The following PUDP variants were observed in gnomAD, a reference collection of about 807,000 sequenced individuals.
PUDP encodes the protein pseudouridine 5'-phosphatase, also known as pseudouridine-5'-phosphatase.
PUDP carries 8 observed loss-of-function variants against 9.4 expected under a neutral mutation model. That is an observed-to-expected ratio of 0.85 (90% confidence interval 0.50 to 1.53). PUDP has a LOEUF of 1.53. PUDP is among the 40% of genes most tolerant of loss of function. The probability of loss-of-function intolerance (pLI) is 0.00; values close to 1 mark genes in which losing one functional copy is unlikely to be tolerated. For missense variants in PUDP, 188 were observed against 189.7 expected, an observed-to-expected ratio of 0.99 and a Z score of 0.05; for synonymous variants, 99 against 80.7, an observed-to-expected ratio of 1.23 and a Z score of -1.22.
chrX:6,750,131 A>C (rs1352579484), intron 3 of PUDP, among the ~76,000 whole-genome samples: 5 of 112,148 alleles, frequency 4.5e-5, no homozygotes, highest in Non-Finnish European at 9.4e-5. Flanking sequence ...GGCTACACCC[A>C]GGGAACTATT....
chrX:6,772,630 GA>G lies in PUDP; in HGVS notation c.*248-66165del, dbSNP rs386416546. Among the ~76,000 whole-genome samples the G allele has an allele frequency of 1.8e-3, 171 of 96,827 alleles. 1 individual carries two copies. The highest frequency in any genetic ancestry group is 5.3e-3 in the Middle Eastern group (1 of 190). 84.1% of individuals were successfully genotyped at this position (96,827 alleles called of 115,157 possible). A position where few individuals can be genotyped will look rare whatever the true frequency, so the allele number is the denominator to read the frequency against. ...TGACTTTCAGAGAAATACAGACAAG[GA>G]AAAAAAAAAAAAAAGAAGGTCAGGC... On this transcript the variant is annotated intron_variant and NMD_transcript_variant, in intron 3 of 3. Coordinates refer to the PUDP transcript ENST00000655425.
intron 3 of PUDP, among the ~76,000 whole-genome samples, chrX:6,780,397 G>A (rs897543869): frequency 4.5e-5 from 5 of 110,869 alleles, no homozygotes; most frequent in African/African-American, 1.6e-4. Context: ...ACTACAGAGT[G>A]TTTAAGTGTA....
At chrX:6,880,419 G>A (rs1022309570) in intron 3 of PUDP, among the ~76,000 whole-genome samples, 45 of 111,826 alleles carry the variant, frequency 4.0e-4, no homozygotes, top group Admixed American at 3.5e-3. Context: ...AGGTTGCTGT[G>A]AATGCCATTG....
intron 3 of PUDP, among the ~76,000 whole-genome samples, chrX:6,772,700 G>A (rs1925385997): frequency 9.1e-6 from 1 of 109,473 alleles, no homozygotes; most frequent in Non-Finnish European, 1.9e-5. Context: ...GGAGGCCGAG[G>A]TGGGTAGATC....
intron 3 of PUDP, among the ~76,000 whole-genome samples, chrX:6,934,218 AG>A (rs1367718849): frequency 9.4e-6 from 1 of 106,794 alleles, no homozygotes; most frequent in Non-Finnish European, 1.9e-5. Context: ...AAAAATGTTA[AG>A]GGCAGCCAGA....
intron 1 of PUDP, among the ~76,000 whole-genome samples, chrX:7,114,181 TCTC>T (rs1320683703): frequency 9.0e-6 from 1 of 111,601 alleles, no homozygotes; most frequent in East Asian, 2.8e-4. Flanking sequence ...TTCATGCAAT[TCTC>T]CTGCCTCAGC....
intron 3 of PUDP, among the ~76,000 whole-genome samples, chrX:6,914,161 C>A (rs1927891374): frequency 3.2e-5 from 2 of 62,435 alleles, no homozygotes; most frequent in East Asian, 4.8e-4. Flanking sequence ...AGAGAGACCC[C>A]GTCTCAAAAA....
intron 1 of PUDP, among the ~76,000 whole-genome samples, chrX:6,996,861 G>T (rs1270975805): frequency 1.9e-5 from 2 of 107,868 alleles, no homozygotes; most frequent in Non-Finnish European, 3.8e-5. Flanking sequence ...TAGAGACAGG[G>T]TTTCACCTTG....
chrX:6,986,073 C>G (rs1345997451), intron 1 of PUDP, among the ~76,000 whole-genome samples: 2 of 111,400 alleles, frequency 1.8e-5, no homozygotes, highest in Non-Finnish European at 3.8e-5. Context: ...AATGCCATGG[C>G]AACGTTAGGA....
At chrX:7,056,638 G>A (rs918730235) in intron 3 of PUDP, among the ~76,000 whole-genome samples, 3 of 111,401 alleles carry the variant, frequency 2.7e-5, no homozygotes, top group Non-Finnish European at 5.6e-5. Context: ...GCAGGGCCCA[G>A]TTTTCACGCA....
chrX:7,082,799 C>T (rs1346993161), intron 2 of PUDP, among the ~76,000 whole-genome samples: 1 of 112,772 alleles, frequency 8.9e-6, no homozygotes, highest in Non-Finnish European at 1.9e-5. Flanking sequence ...TGCTGTCTTT[C>T]TTAGGGGCTA....
chrX:7,135,419 T>C (rs777464294), intron 1 of PUDP, among the ~76,000 whole-genome samples: 1 of 112,140 alleles, frequency 8.9e-6, no homozygotes, highest in South Asian at 3.7e-4. Flanking sequence ...TTTCCTGACA[T>C]CTGTCTAAAT....
At chrX:6,954,041 T>A (rs1259700461) in intron 3 of PUDP, among the ~76,000 whole-genome samples, 1 of 110,488 alleles carries the variant, frequency 9.1e-6, no homozygotes, top group East Asian at 2.9e-4. Context: ...GCGCTTCTCC[T>A]TGCTGCTGCC....
chrX:7,102,873 G>C (rs1569160369), intron 2 of PUDP, among the ~76,000 whole-genome samples: 1 of 111,194 alleles, frequency 9.0e-6, no homozygotes, highest in Non-Finnish European at 1.9e-5. Flanking sequence ...AGAAATAAGA[G>C]AAGTGAAGGA....
chrX:6,933,154 C>G (rs6639716), intron 3 of PUDP, among the ~76,000 whole-genome samples: 19,487 of 106,553 alleles, frequency 0.18, 1,872 homozygotes, highest in Admixed American at 0.3. Flanking sequence ...TCTGAGAACA[C>G]GCAGACTGCC....
At chrX:6,765,409 G>A (rs7889947) in intron 3 of PUDP, among the ~76,000 whole-genome samples, 19,542 of 111,632 alleles carry the variant, frequency 0.18, 1,708 homozygotes, top group African/African-American at 0.34. Flanking sequence ...AAGTTAAACT[G>A]CTTGAAACTG....
chrX:7,030,548 T>G, intron 1 of PUDP, among the ~76,000 whole-genome samples: 1 of 111,202 alleles, frequency 9.0e-6, no homozygotes, highest in African/African-American at 3.3e-5. Flanking sequence ...TCTTGTGGGA[T>G]GAACAGTATG....
intron 1 of PUDP, among the ~76,000 whole-genome samples, chrX:7,034,869 A>T (rs1175005536): frequency 3.5e-5 from 2 of 57,732 alleles, no homozygotes; most frequent in Non-Finnish European, 6.4e-5. Flanking sequence ...CATCCAACTG[A>T]GTTTTTCATA....
chrX:6,886,237 G>T (rs1602659369), intron 3 of PUDP, among the ~76,000 whole-genome samples: 1 of 111,907 alleles, frequency 8.9e-6, no homozygotes, highest in East Asian at 2.8e-4. Context: ...TTCTAAAATG[G>T]GTTTATCCAT....
Sources: allele counts gnomAD v4.1 joint callset (sites outside exome capture counted in the v4.1 genomes callset), GRCh38; gene constraint gnomAD v4.1.1; transcripts MANE v1.5; gene names NCBI Gene and HGNC (gene_info 2026-07-23, HGNC 2026-07-21).